ZNRF2: variants seen among roughly 807,000 people sequenced by gnomAD.
The protein encoded by ZNRF2 is zinc and ring finger 2, also known as E3 ubiquitin-protein ligase ZNRF2.
Under a neutral mutation model 20.4 loss-of-function variants are expected in ZNRF2, and 16 were observed. The ratio of observed to expected loss-of-function variants is 0.79; its 90% CI spans 0.53 to 1.19. The LOEUF (loss-of-function observed/expected upper bound fraction) is 1.19, where lower values mean the gene tolerates loss of function less well. Among genes scored for constraint, ZNRF2 ranks in the 50% most tolerant of loss-of-function variants. The pLI is 0.00. For missense variants in ZNRF2, 363 were observed against 332.4 expected (o/e 1.09, Z -0.72); for synonymous variants, 178 against 144.9 (o/e 1.23, Z -1.64).
Position 30,366,326 on chromosome 7 carries a change from G to A in ZNRF2, c.*314G>A, listed in dbSNP as rs995619234. 2.0e-5 allele frequency: 3 copies of A among 152,552 alleles called. No individual in the cohort carries two copies. The highest frequency in any genetic ancestry group is 4.8e-5 in the African/African-American group (2 of 41,422). 9.4% of individuals were successfully genotyped at this position (152,552 alleles called of 1,614,324 possible). A position where few individuals can be genotyped will look rare whatever the true frequency, so the allele number is the denominator to read the frequency against. Reference sequence around the variant, plus strand: ...ACTGATAAACATTTTGTATTCAGACGCCAAAGTTAACTGATTTAAAAGTTG... The same window carrying A: ...ACTGATAAACATTTTGTATTCAGACACCAAAGTTAACTGATTTAAAAGTTG... On this transcript the variant is annotated 3_prime_UTR_variant, in exon 5 of 5. Coordinates refer to ENST00000323037, the MANE Select transcript of ZNRF2 (RefSeq NM_147128.4).
At chr7:30,299,437 CAGA>C (rs1289023609) in intron 1 of ZNRF2, among the ~76,000 whole-genome samples, 10 of 149,754 alleles carry the variant, frequency 6.7e-5, no homozygotes, top group Non-Finnish European at 1.3e-4. Flanking sequence ...AAAAAAAAAT[CAGA>C]TGATGCAAAA....
At chr7:30,351,574 T>G (rs947404967) in intron 2 of ZNRF2, among the ~76,000 whole-genome samples, 2 of 152,068 alleles carry the variant, frequency 1.3e-5, no homozygotes, top group South Asian at 2.1e-4. Context: ...GTTGCTTTGG[T>G]ATTTACGTTG....
At chr7:30,295,922 A>G (rs1799013214) in intron 1 of ZNRF2, among the ~76,000 whole-genome samples, 1 of 152,212 alleles carries the variant, frequency 6.6e-6, no homozygotes, top group Admixed American at 6.5e-5. Context: ...CCAACTGCTC[A>G]GATTTTGCAA....
At chr7:30,318,012 ATTATTGCCTTC>A (rs1256086033) in intron 1 of ZNRF2, among the ~76,000 whole-genome samples, 1 of 152,140 alleles carries the variant, frequency 6.6e-6, no homozygotes, top group Non-Finnish European at 1.5e-5. Context: ...AAGCCTATTG[ATTATTGCCTTC>A]TGGAAATAAA....
chr7:30,287,075 A>G (rs1276171925), intron 1 of ZNRF2, among the ~76,000 whole-genome samples: 2 of 152,194 alleles, frequency 1.3e-5, no homozygotes, highest in Non-Finnish European at 2.9e-5. Flanking sequence ...ACTTTTAATT[A>G]GCTACCTTGT....
At chr7:30,354,211 T>C (rs901491996) in intron 2 of ZNRF2, among the ~76,000 whole-genome samples, 1 of 152,086 alleles carries the variant, frequency 6.6e-6, no homozygotes, top group Non-Finnish European at 1.5e-5. Context: ...AATAACATTT[T>C]CCGTTTATCC....
At chr7:30,311,924 A>G (rs73685997) in intron 1 of ZNRF2, among the ~76,000 whole-genome samples, 1,704 of 152,212 alleles carry the variant, frequency 0.011, 29 homozygotes, top group African/African-American at 0.038. Flanking sequence ...TTACCTGTTG[A>G]TTTGCCATGG....
At chr7:30,301,724 CTTATCT>C (rs1799119776) in intron 1 of ZNRF2, among the ~76,000 whole-genome samples, 1 of 120,364 alleles carries the variant, frequency 8.3e-6, no homozygotes, top group African/African-American at 3.0e-5. Context: ...AAAAAAAAAA[CTTATCT>C]TTGTCTTAGA....
intron 1 of ZNRF2, among the ~76,000 whole-genome samples, chr7:30,296,124 A>G (rs1799016255): frequency 6.6e-6 from 1 of 152,234 alleles, no homozygotes; most frequent in Non-Finnish European, 1.5e-5. Context: ...GATTATTATC[A>G]AAATTATTGT....
intron 2 of ZNRF2, among the ~76,000 whole-genome samples, chr7:30,335,219 G>A (rs1275701716): frequency 2.0e-5 from 3 of 151,996 alleles, no homozygotes; most frequent in Non-Finnish European, 2.9e-5. Flanking sequence ...TGCCTTTTGG[G>A]AGGGTTCTCG....
chr7:30,311,884 A>G, intron 1 of ZNRF2, among the ~76,000 whole-genome samples: 1 of 152,272 alleles, frequency 6.6e-6, no homozygotes, highest in Middle Eastern at 3.4e-3. Context: ...TTGTGATAGT[A>G]ATCTGTTAAT....
At chr7:30,364,109 G>A (rs1373491746) in intron 4 of ZNRF2, among the ~76,000 whole-genome samples, 1 of 152,214 alleles carries the variant, frequency 6.6e-6, no homozygotes, top group East Asian at 1.9e-4. Context: ...GAGAATAAAA[G>A]TGTTGAGGTA....
intron 1 of ZNRF2, among the ~76,000 whole-genome samples, chr7:30,315,146 G>T (rs543664721): frequency 6.6e-6 from 1 of 152,156 alleles, no homozygotes; most frequent in East Asian, 1.9e-4. Flanking sequence ...AGATATCCAA[G>T]ACTTGGTCCC....
chr7:30,339,652 CT>C (rs1799766355), intron 2 of ZNRF2, among the ~76,000 whole-genome samples: 1 of 152,072 alleles, frequency 6.6e-6, no homozygotes, highest in South Asian at 2.1e-4. Flanking sequence ...TACTATGCTG[CT>C]TTGGTTACTG....
At chr7:30,345,163 A>G (rs912655530) in intron 2 of ZNRF2, among the ~76,000 whole-genome samples, 1 of 152,110 alleles carries the variant, frequency 6.6e-6, no homozygotes, top group Non-Finnish European at 1.5e-5. Context: ...TTGACTACAG[A>G]TAGGCATTAC....
chr7:30,335,386 G>T (rs1799701687), intron 2 of ZNRF2, among the ~76,000 whole-genome samples: 1 of 151,934 alleles, frequency 6.6e-6, no homozygotes. Flanking sequence ...TTATTCTCCT[G>T]GTCATAGTTT....
At position 30,285,550 on chromosome 7, in the gene ZNRF2, G is replaced by GCCGCGGCGGCCGCGGCGGCC; in HGVS notation, c.197_216dup (p.Ala73ArgfsTer77). 2.1e-6 allele frequency: 2 copies of GCCGCGGCGGCCGCGGCGGCC among 969,658 alleles called. No homozygotes were observed. Among genetic ancestry groups the GCCGCGGCGGCCGCGGCGGCC allele is most frequent in the Non-Finnish European group, 2.4e-6 (2 of 821,694 alleles). The allele number at this position is 969,658 out of a possible 1,614,324, so 60.1% of individuals were successfully genotyped here. Reference sequence around the variant, plus strand: ...GCACCAGCCCAGCGCCTCCGGCGGCGCCGCGGCGGCCGCGGCGGCCCCGGC... The same window carrying GCCGCGGCGGCCGCGGCGGCC: ...GCACCAGCCCAGCGCCTCCGGCGGCGCCGCGGCGGCCGCGGCGGCCCCGCGGCGGCCGCGGCGGCCCCGGC... On this transcript the variant is annotated frameshift_variant, in exon 1 of 5. Coordinates refer to ENST00000323037, the MANE Select transcript of ZNRF2 (RefSeq NM_147128.4). LOFTEE classifies it high-confidence loss of function.
intron 1 of ZNRF2, among the ~76,000 whole-genome samples, chr7:30,312,703 AT>A (rs1422332202): frequency 6.6e-6 from 1 of 152,172 alleles, no homozygotes; most frequent in African/African-American, 2.4e-5. Flanking sequence ...CAGTATAATT[AT>A]TTAAAACATT....
chr7:30,295,263 G>T (rs1289160411), intron 1 of ZNRF2, among the ~76,000 whole-genome samples: 1 of 152,026 alleles, frequency 6.6e-6, no homozygotes, highest in African/African-American at 2.4e-5. Context: ...TTTGAGTTCC[G>T]CATCTGTCCA....
Sources: gnomAD v4.1 joint callset for allele counts (sites outside exome capture counted in the v4.1 genomes callset) on GRCh38, gnomAD v4.1.1 for gene constraint, MANE v1.5 for transcripts, NCBI Gene and HGNC (gene_info 2026-07-23, HGNC 2026-07-21) for gene names.